The following MSRA variants were observed in gnomAD, a reference collection of about 807,000 sequenced individuals.
MSRA encodes mitochondrial peptide methionine sulfoxide reductase.
A neutral mutation model predicts 31.3 loss-of-function variants in MSRA; 54 were observed. That is an observed-to-expected ratio of 1.73 (90% CI 1.39 to 2.17). The LOEUF is 2.17. Among genes scored for constraint, MSRA ranks in the 30% most tolerant of loss-of-function variants. The pLI is 0.00. For missense variants in MSRA, 507 were observed against 300.9 expected (o/e 1.69, Z -5.07); for synonymous variants, 169 against 116.5 (o/e 1.45, Z -2.90).
chr8:10,307,228 G>A (rs1273856639), intron 4 of MSRA, among the ~76,000 whole-genome samples: 1 of 150,766 alleles, frequency 6.6e-6, no homozygotes, highest in African/African-American at 2.4e-5. Flanking sequence ...GAGTGCAGTG[G>A]CACAATTGGC....
At chr8:10,163,697 CTATT>C (rs1804870627) in intron 1 of MSRA, among the ~76,000 whole-genome samples, 1 of 152,192 alleles carries the variant, frequency 6.6e-6, no homozygotes, top group Non-Finnish European at 1.5e-5. Context: ...AAAGGACCGT[CTATT>C]TATCGATAAG....
At chr8:10,158,225 A>T (rs190133189) in intron 1 of MSRA, among the ~76,000 whole-genome samples, 42 of 152,338 alleles carry the variant, frequency 2.8e-4, no homozygotes, top group Non-Finnish European at 8.8e-5. Flanking sequence ...AGATGTCAAC[A>T]TCTGGACTTC....
chr8:10,332,857 C>T (rs1001795792), intron 5 of MSRA, among the ~76,000 whole-genome samples: 5 of 152,232 alleles, frequency 3.3e-5, no homozygotes, highest in African/African-American at 1.2e-4. Context: ...TGTGCATCCG[C>T]ATTTGGGCCA....
At chr8:10,412,476 T>C (rs1808216614) in intron 5 of MSRA, among the ~76,000 whole-genome samples, 1 of 152,154 alleles carries the variant, frequency 6.6e-6, no homozygotes, top group South Asian at 2.1e-4. Flanking sequence ...CTATCGAACA[T>C]GATGTTCCAG....
intron 1 of MSRA, among the ~76,000 whole-genome samples, chr8:10,180,536 G>A (rs140280215): frequency 6.6e-6 from 1 of 152,062 alleles, no homozygotes; most frequent in Non-Finnish European, 1.5e-5. Flanking sequence ...GGTTCCTCCG[G>A]GAGCCAGTCC....
At chr8:10,270,180 A>G (rs1798955632) in intron 3 of MSRA, among the ~76,000 whole-genome samples, 1 of 152,166 alleles carries the variant, frequency 6.6e-6, no homozygotes, top group South Asian at 2.1e-4. Flanking sequence ...TTATCAGAAA[A>G]ATGTGTTTTA....
intron 1 of MSRA, among the ~76,000 whole-genome samples, chr8:10,089,943 A>G (rs1798775303): frequency 6.6e-6 from 1 of 152,164 alleles, no homozygotes; most frequent in African/African-American, 2.4e-5. Context: ...ACCTTCCACG[A>G]GGCACCACCT....
chr8:10,080,747 G>A lies in MSRA; in HGVS notation c.142+26089G>A, dbSNP rs112033149. Among the ~76,000 whole-genome samples the A allele has an allele frequency of 2.5e-3, 369 of 149,140 alleles. 1 individual carries two copies. Among genetic ancestry groups the A allele is most frequent in the Non-Finnish European group, 4.5e-3 (305 of 67,614 alleles). ...AGAGATGAGGTCTCGCTATGTTGCC[G>A]AGGCTAGTCTTGAGTTCCTGGGCTC... On this transcript the variant is annotated intron_variant, in intron 1 of 5. Transcript: ENST00000317173.
At chr8:10,180,571 A>G (rs1441443931) in intron 1 of MSRA, among the ~76,000 whole-genome samples, 1 of 152,172 alleles carries the variant, frequency 6.6e-6, no homozygotes, top group Admixed American at 6.5e-5. Flanking sequence ...TTACCTCATT[A>G]GCATAACTCA....
intron 1 of MSRA, among the ~76,000 whole-genome samples, chr8:10,148,477 T>A (rs1803357633): frequency 6.6e-6 from 1 of 151,842 alleles, no homozygotes; most frequent in South Asian, 2.1e-4. Context: ...TGAAACCCCA[T>A]CTCTACTAAA....
chr8:10,195,171 C>T (rs1298813138), intron 1 of MSRA, among the ~76,000 whole-genome samples: 1 of 152,180 alleles, frequency 6.6e-6, no homozygotes, highest in East Asian at 1.9e-4. Context: ...CTGTCTTTGT[C>T]CGTGAGCAAA....
intron 3 of MSRA, among the ~76,000 whole-genome samples, chr8:10,285,722 G>T (rs981271059): frequency 6.6e-6 from 1 of 151,090 alleles, no homozygotes; most frequent in Non-Finnish European, 1.5e-5. Context: ...CAGCTTCCAC[G>T]TATGAGAGAG....
intron 1 of MSRA, among the ~76,000 whole-genome samples, chr8:10,166,037 G>A (rs1330687955): frequency 6.6e-6 from 1 of 152,138 alleles, no homozygotes; most frequent in East Asian, 1.9e-4. Context: ...ACCCAAGACC[G>A]TGTGGGCACA....
intron 1 of MSRA, among the ~76,000 whole-genome samples, chr8:10,058,397 T>C (rs1407581118): frequency 2.0e-5 from 3 of 152,242 alleles, no homozygotes; most frequent in African/African-American, 7.2e-5. Context: ...ACTACTGAAC[T>C]CTTTTAAAAT....
At chr8:10,396,394 A>T (rs1030313558) in intron 5 of MSRA, among the ~76,000 whole-genome samples, 3 of 152,326 alleles carry the variant, frequency 2.0e-5, no homozygotes, top group Admixed American at 2.0e-4. Flanking sequence ...GGGCTTCGGT[A>T]TGATAAAAGT....
intron 2 of MSRA, among the ~76,000 whole-genome samples, chr8:10,240,490 G>A (rs1254520676): frequency 1.3e-5 from 2 of 152,168 alleles, no homozygotes; most frequent in Admixed American, 1.3e-4. Context: ...CTCTTTCATG[G>A]TAGATGCCCT....
At chr8:10,350,035 C>A (rs572825977) in intron 5 of MSRA, among the ~76,000 whole-genome samples, 1 of 152,262 alleles carries the variant, frequency 6.6e-6, no homozygotes, top group African/African-American at 2.4e-5. Flanking sequence ...ATGATGGACT[C>A]TTCTGAGTTG....
At chr8:10,094,615 A>G (rs1244857886) in intron 1 of MSRA, among the ~76,000 whole-genome samples, 1 of 152,226 alleles carries the variant, frequency 6.6e-6, no homozygotes, top group Non-Finnish European at 1.5e-5. Flanking sequence ...ACTAGAAGTC[A>G]CTTTTCTGGG....
chr8:10,340,299 G>T (rs1803342566), intron 5 of MSRA, among the ~76,000 whole-genome samples: 1 of 151,718 alleles, frequency 6.6e-6, no homozygotes, highest in African/African-American at 2.4e-5. Context: ...ACTAGATTTT[G>T]ACAATCAAAA....
Sources: gnomAD v4.1 joint callset for allele counts (sites outside exome capture counted in the v4.1 genomes callset) on GRCh38, gnomAD v4.1.1 for gene constraint, MANE v1.5 for transcripts, NCBI Gene and HGNC (gene_info 2026-07-23, HGNC 2026-07-21) for gene names.